RTRAF: variants seen among roughly 807,000 people sequenced by gnomAD.
RTRAF encodes the protein tRNA-splicing ligase complex subunit RTRAF.
RTRAF carries 14 observed loss-of-function variants against 34.4 expected under a neutral mutation model. That is an observed-to-expected ratio of 0.41 (90% CI 0.27 to 0.64). The LOEUF is 0.64. RTRAF is among the 30% of genes least tolerant of loss of function. The pLI, the probability that RTRAF is intolerant of heterozygous loss-of-function variation, is 0.34. For missense variants in RTRAF, 291 were observed against 288.4 expected, an observed-to-expected ratio of 1.01 and a Z score of -0.06; for synonymous variants, 96 against 95.3, an observed-to-expected ratio of 1.01 and a Z score of -0.04.
At position 52,006,307 on chromosome 14, in the gene RTRAF, A is replaced by G. The variant is rs1890779556; in HGVS notation, c.*1791A>G. 2.0e-6 allele frequency: 1 copy of G among 491,712 alleles called. No individual in the cohort carries two copies. Among genetic ancestry groups the G allele is most frequent in the South Asian group, 2.4e-5 (1 of 41,488 alleles). 30.5% of individuals were successfully genotyped at this position (491,712 alleles called of 1,614,324 possible). A position where few individuals can be genotyped will look rare whatever the true frequency, so the allele number is the denominator to read the frequency against. On this transcript the variant is annotated 3_prime_UTR_variant, in exon 8 of 8. Transcript: ENST00000261700. ...CAATAGCTTTGCTACTTTTTAAGCT[A>G]TATGTGAGCAATACCATTCGATTTC...
chr14:51,996,131 T>G (rs1410532572), intron 3 of RTRAF, among the ~76,000 whole-genome samples: 2 of 152,152 alleles, frequency 1.3e-5, no homozygotes, highest in African/African-American at 4.8e-5. Flanking sequence ...TAGCATGTTC[T>G]TTTAGTGAAT....
intron 3 of RTRAF, among the ~76,000 whole-genome samples, chr14:51,997,074 C>A (rs1890532905): frequency 6.6e-6 from 1 of 151,786 alleles, no homozygotes; most frequent in African/African-American, 2.4e-5. Context: ...GCGATATGTC[C>A]CATTACTAGT....
chr14:51,996,176 A>G (rs566543827), intron 3 of RTRAF, among the ~76,000 whole-genome samples: 13 of 152,248 alleles, frequency 8.5e-5, no homozygotes, highest in Middle Eastern at 3.4e-3. Flanking sequence ...AAATTTTTCA[A>G]TATTGAAAAA....
At chr14:51,989,823 G>A in intron 1 of RTRAF, 123 bp downstream of exon 1, 1 of 990,008 alleles carries the variant, frequency 1.0e-6, no homozygotes, top group Admixed American at 2.5e-5. Flanking sequence ...GCAGCCTCCG[G>A]GCCCCTCTCC....
In RTRAF at chr14:52,004,603, C is replaced by G; in HGVS notation, c.*87C>G. On this transcript the variant is annotated 3_prime_UTR_variant, in exon 8 of 8. Coordinates refer to ENST00000261700, the MANE Select transcript of RTRAF (RefSeq NM_016039.3). ...TGTTTGGAAATCAAAATGTCACATTCTCGGGGGAGGAAGCCCAGAAAATTG... is the reference window on the plus strand; with the variant it reads ...TGTTTGGAAATCAAAATGTCACATTGTCGGGGGAGGAAGCCCAGAAAATTG... 1 of 1,346,126 alleles carries G rather than the reference C, an allele frequency of 7.4e-7. No homozygotes were observed. The highest frequency in any genetic ancestry group is 2.8e-4 in the Middle Eastern group (1 of 3,634). 83.4% of individuals were successfully genotyped at this position (1,346,126 alleles called of 1,614,324 possible).
chr14:52,006,148 T>G lies in RTRAF; in HGVS notation c.*1632T>G, dbSNP rs1036546548. On this transcript the variant is annotated 3_prime_UTR_variant, in exon 8 of 8. Transcript: ENST00000261700. Reference sequence around the variant, plus strand: ...TTGAGAACTAGTCTAAATAGTATTTTTCGGTCCCTCAGACAATATGTCCAC... The same window carrying G: ...TTGAGAACTAGTCTAAATAGTATTTGTCGGTCCCTCAGACAATATGTCCAC... 1 of 421,134 alleles carries G rather than the reference T, an allele frequency of 2.4e-6. No individual in the cohort carries two copies. Among genetic ancestry groups the G allele is most frequent in the Non-Finnish European group, 4.4e-6 (1 of 227,468 alleles). 26.1% of individuals were successfully genotyped at this position (421,134 alleles called of 1,614,324 possible). A position where few individuals can be genotyped will look rare whatever the true frequency, so the allele number is the denominator to read the frequency against.
rs1471568933 is a variant in RTRAF, at chr14:52,006,508, C to A, written c.*1992C>A. 1.2e-6 allele frequency: 2 copies of A among 1,612,304 alleles called. No individual in the cohort carries two copies. Among genetic ancestry groups the A allele is most frequent in the Admixed American group, 1.7e-5 (1 of 59,966 alleles). On this transcript the variant is annotated 3_prime_UTR_variant, in exon 8 of 8. Coordinates refer to ENST00000261700, the MANE Select transcript of RTRAF (RefSeq NM_016039.3). ...TGTCCTCTGGAACAGTTGGCCTTTTCAGGCTTGTCCAGAATTTGTGGGGCT... is the reference window on the plus strand; with the variant it reads ...TGTCCTCTGGAACAGTTGGCCTTTTAAGGCTTGTCCAGAATTTGTGGGGCT...
rs964394146 is a variant in RTRAF, at chr14:52,010,260, C to A, written c.*5744C>A. 2.0e-5 allele frequency: 3 copies of A among 152,182 alleles called. No individual in the cohort carries two copies. The highest frequency in any genetic ancestry group is 7.2e-5 in the African/African-American group (3 of 41,444). The allele number at this position is 152,182 out of a possible 1,614,324, so 9.4% of individuals were successfully genotyped here. ...TGAAGGGCATCTGGGAATTTCATTT[C>A]GTAGAAACTCCACTTAAACATGGCA... is the stretch of plus-strand genomic sequence containing the variant. On this transcript the variant is annotated 3_prime_UTR_variant, in exon 8 of 8. Transcript: ENST00000261700.
At chr14:51,995,285 C>T (rs1890500746) in intron 3 of RTRAF, among the ~76,000 whole-genome samples, 1 of 152,028 alleles carries the variant, frequency 6.6e-6, no homozygotes, top group African/African-American at 2.4e-5. Flanking sequence ...TTTGGAGGCT[C>T]TCGGGGGAAT....
In RTRAF at chr14:52,004,616, G is replaced by A. The variant is rs954884257; in HGVS notation, c.*100G>A. On this transcript the variant is annotated 3_prime_UTR_variant, in exon 8 of 8. Coordinates refer to ENST00000261700, the MANE Select transcript of RTRAF (RefSeq NM_016039.3). ...AAATGTCACATTCTCGGGGGAGGAA[G>A]CCCAGAAAATTGGGTATGTTCTAGA... 2 of 1,239,208 alleles carry A rather than the reference G, an allele frequency of 1.6e-6. No individual in the cohort carries two copies. Among genetic ancestry groups the A allele is most frequent in the African/African-American group, 1.5e-5 (1 of 65,006 alleles). 76.8% of individuals were successfully genotyped at this position (1,239,208 alleles called of 1,614,324 possible).
intron 1 of RTRAF, 96 bp from the exon 2 acceptor site, chr14:51,991,221 A>G: frequency 7.6e-7 from 1 of 1,312,148 alleles, no homozygotes; most frequent in South Asian, 1.3e-5. Context: ...TTTGAAGTTA[A>G]GAAAATTCCA....
intron 5 of RTRAF, 81 bp downstream of exon 5, chr14:51,999,877 A>G (rs1477681773): frequency 2.2e-5 from 21 of 960,540 alleles, no homozygotes; most frequent in Non-Finnish European, 3.2e-5. Context: ...AACTATTGAT[A>G]TTAAAATTAT....
chr14:52,005,492 T>C lies in RTRAF; in HGVS notation c.*976T>C, dbSNP rs751801903. On this transcript the variant is annotated 3_prime_UTR_variant, in exon 8 of 8. Coordinates refer to ENST00000261700, the MANE Select transcript of RTRAF (RefSeq NM_016039.3). ...TTCCTTTACATTACTGTACTTACTT[T>C]CTTCCTGTGAGAGAAGAGCAGGGGT... 1 of 1,598,828 alleles carries C rather than the reference T, an allele frequency of 6.3e-7. No homozygotes were observed. The highest frequency in any genetic ancestry group is 8.5e-7 in the Non-Finnish European group (1 of 1,174,298).
Position 52,007,935 on chromosome 14 carries a change from G to T in RTRAF, c.*3419G>T. The T allele has an allele frequency of 6.2e-7, 1 of 1,613,436 alleles. No individual in the cohort carries two copies. The highest frequency in any genetic ancestry group is 8.5e-7 in the Non-Finnish European group (1 of 1,179,804). ...TAAAGATGACGTTTCAATTTTAGGAGCTTCTCTATTCCAGTCTGTCCAGTA... is the reference window on the plus strand; with the variant it reads ...TAAAGATGACGTTTCAATTTTAGGATCTTCTCTATTCCAGTCTGTCCAGTA... On this transcript the variant is annotated 3_prime_UTR_variant, in exon 8 of 8. Transcript: ENST00000261700.
chr14:52,009,986 CAAAA>C lies in RTRAF; in HGVS notation c.*5475_*5478del, dbSNP rs1021461126. 6.9e-6 allele frequency: 1 copy of C among 145,640 alleles called. No homozygotes were observed. Among genetic ancestry groups the C allele is most frequent in the Non-Finnish European group, 1.5e-5 (1 of 66,514 alleles). The allele number at this position is 145,640 out of a possible 1,614,324, so 9.0% of individuals were successfully genotyped here. On this transcript the variant is annotated 3_prime_UTR_variant, in exon 8 of 8. Coordinates refer to ENST00000261700, the MANE Select transcript of RTRAF (RefSeq NM_016039.3). ...TCGGCAACAAAGCAAGACCTTGTCT[CAAAA>C]AAAAGAAAAAAAAAAGAAAAAAGGA... is the stretch of plus-strand genomic sequence containing the variant.
In RTRAF at chr14:51,989,989, TCTCA is replaced by T. The variant is rs374288802; in HGVS notation, c.61+296_61+299del. Among the ~76,000 whole-genome samples the T allele has an allele frequency of 2.3e-4, 35 of 152,342 alleles. 2 individuals carry two copies. The South Asian group carries it at 3.5e-3, about 15-fold the overall frequency. Reference sequence around the variant, plus strand: ...ACATAAAAGGGAGAGCATTCGTCTTTCTCACTCACTATTCAACTCCATGGTTCCC... The same window carrying T: ...ACATAAAAGGGAGAGCATTCGTCTTTCTCACTATTCAACTCCATGGTTCCC... On this transcript the variant is annotated intron_variant, in intron 1 of 7. Transcript: ENST00000261700.
rs1890774320 is a variant in RTRAF, at chr14:52,006,193, A to G, written c.*1677A>G. ...GTCCACAGTGTCAAAAGCCAACTTA[A>G]GCCCTGTAATATAGCTCATGGTATC... On this transcript the variant is annotated 3_prime_UTR_variant, in exon 8 of 8. Transcript: ENST00000261700. 1 of 398,548 alleles carries G rather than the reference A, an allele frequency of 2.5e-6. No homozygotes were observed. Among genetic ancestry groups the G allele is most frequent in the Non-Finnish European group, 4.7e-6 (1 of 213,994 alleles). The allele number at this position is 398,548 out of a possible 1,614,324, so 24.7% of individuals were successfully genotyped here.
intron 2 of RTRAF, 43 bp from the exon 3 acceptor site, chr14:51,993,680 G>T: frequency 8.5e-7 from 1 of 1,173,412 alleles, no homozygotes; most frequent in South Asian, 1.3e-5. Flanking sequence ...GTGACTTTAT[G>T]GTAATAATGA....
intron 2 of RTRAF, among the ~76,000 whole-genome samples, chr14:51,991,785 G>GGCTAGGTGTGATGGCTAACACCTA (rs1890439515): frequency 6.6e-6 from 1 of 152,152 alleles, no homozygotes; most frequent in Non-Finnish European, 1.5e-5. Flanking sequence ...AGAAGACATT[G>GGCTAGGTGTGATGGCTAACACCTA]GCTAGGTGTG....
Sources: allele counts gnomAD v4.1 joint callset (sites outside exome capture counted in the v4.1 genomes callset), GRCh38; gene constraint gnomAD v4.1.1; transcripts MANE v1.5; gene names NCBI Gene and HGNC (gene_info 2026-07-23, HGNC 2026-07-21).